The following VILL variants were observed in gnomAD, a reference collection of about 807,000 sequenced individuals.
VILL encodes the protein villin-like protein.
Under a neutral mutation model 106.3 loss-of-function variants are expected in VILL, and 102 were observed. That is an observed-to-expected ratio of 0.96 (90% CI 0.82 to 1.13). The LOEUF (loss-of-function observed/expected upper bound fraction) is 1.13. Ranked by LOEUF, VILL falls within the 50% of genes most tolerant of loss-of-function variation. The pLI is 0.00. For synonymous variants in VILL, 431 were observed against 440.3 expected (o/e 0.98, Z 0.27); for missense variants, 1,076 against 1,116.6 (o/e 0.96, Z 0.52).
At chr3:38,004,534 T>C (rs1459261634) in intron 16 of VILL, 135 bp downstream of exon 16, 9 of 1,173,498 alleles carry the variant, frequency 7.7e-6, no homozygotes, top group South Asian at 7.4e-5. Context: ...CACTGAGCAA[T>C]TGCATTGCGG....
At chr3:38,004,047 G>T (rs114282767) in intron 15 of VILL, 2 of 555,672 alleles carry the variant, frequency 3.6e-6, no homozygotes, top group African/African-American at 3.7e-5. Flanking sequence ...GTCACAGCTG[G>T]GTGGGGCGAG....
At chr3:37,993,838 C>G in intron 2 of VILL, 60 bp from the exon 3 acceptor site, 2 of 1,608,966 alleles carry the variant, frequency 1.2e-6, no homozygotes, top group Non-Finnish European at 1.7e-6. Context: ...TCCACCCCAC[C>G]CCAGCGGGTG....
At chr3:37,999,072 G>T in intron 10 of VILL, 22 bp downstream of exon 10, 1 of 1,210,504 alleles carries the variant, frequency 8.3e-7, no homozygotes, top group Non-Finnish European at 1.1e-6. Flanking sequence ...GGGCGGGGCT[G>T]ACGGGGGCGG....
At chr3:37,992,279 C>A (rs188618715) in intron 1 of VILL, among the ~76,000 whole-genome samples, 1 of 152,152 alleles carries the variant, frequency 6.6e-6, no homozygotes, top group Non-Finnish European at 1.5e-5. Flanking sequence ...TGTCCTTCTA[C>A]GGGGCCACCA....
intron 11 of VILL, chr3:38,000,940 C>T (rs1053867905): frequency 1.3e-5 from 6 of 456,952 alleles, no homozygotes; most frequent in African/African-American, 2.0e-5. Flanking sequence ...TGGGATTTGA[C>T]CAGAGTCCGC....
intron 13 of VILL, chr3:38,002,114 A>T: frequency 1.5e-6 from 1 of 662,202 alleles, no homozygotes. Flanking sequence ...ACACTAGCAA[A>T]CCTGGTCCCC....
At chr3:37,992,621 C>T (rs1699626785) in intron 1 of VILL, among the ~76,000 whole-genome samples, 1 of 152,174 alleles carries the variant, frequency 6.6e-6, no homozygotes, top group Non-Finnish European at 1.5e-5. Context: ...GAGACCATAG[C>T]CAACAACCAT....
Position 37,999,452 on chromosome 3 carries a change from G to T in VILL, c.1182+13G>T. 6.8e-7 allele frequency: 1 copy of T among 1,465,728 alleles called. No individual in the cohort carries two copies. The highest frequency in any genetic ancestry group is 9.0e-7 in the Non-Finnish European group (1 of 1,109,230). 90.8% of individuals were successfully genotyped at this position (1,465,728 alleles called of 1,614,324 possible). On this transcript the variant is annotated intron_variant, in intron 11 of 19. Transcript: ENST00000383759. ...TGGGAAGGTGGAGGTGAGGGGTACT[G>T]GGTTAGCTGGGGGAAGATGGGCACA...
At chr3:37,994,594 T>C in intron 4 of VILL, 128 bp downstream of exon 4, 1 of 998,246 alleles carries the variant, frequency 1.0e-6, no homozygotes, top group Non-Finnish European at 1.5e-6. Context: ...AACACCTTTA[T>C]TGAGATACAA....
chr3:38,000,813 C>G lies in VILL; in HGVS notation c.1183-643C>G, dbSNP rs961741515. 1.3e-5 allele frequency: 6 copies of G among 451,602 alleles called. No individual in the cohort carries two copies. In the Admixed American group the frequency reaches 1.4e-4, roughly 11 times the overall value. The allele number at this position is 451,602 out of a possible 1,614,324, so 28.0% of individuals were successfully genotyped here. A position where few individuals can be genotyped will look rare whatever the true frequency, so the allele number is the denominator to read the frequency against. ...GTCAGGGTCAGTGTGGGAAAGGACA[C>G]CCAGGCATTGTCTCCTGCCATGCAG... On this transcript the variant is annotated intron_variant, in intron 11 of 19. Coordinates refer to ENST00000383759, the MANE Select transcript of VILL (RefSeq NM_015873.4).
chr3:38,004,518 C>G, intron 16 of VILL, 119 bp downstream of exon 16: 1 of 1,350,800 alleles, frequency 7.4e-7, no homozygotes. Flanking sequence ...GTGAGTCTGA[C>G]CCTGTCACTG....
At position 37,998,077 on chromosome 3, in the gene VILL, C is replaced by T; in HGVS notation, c.765-13C>T. On this transcript the variant is annotated splice_polypyrimidine_tract_variant and intron_variant, in intron 7 of 19. Coordinates refer to ENST00000383759, the MANE Select transcript of VILL (RefSeq NM_015873.4). The surrounding 1 kb of genome is among the most constrained non-coding windows in gnomAD (Gnocchi z 4.1). ...GGGCTGGGCTGGCCACTCCTGGGTT[C>T]CTGTCCCCCCAGTGTCTATGAGAAG... The T allele has an allele frequency of 6.3e-7, 1 of 1,598,358 alleles. No individual in the cohort carries two copies. Among genetic ancestry groups the T allele is most frequent in the Non-Finnish European group, 8.5e-7 (1 of 1,172,058 alleles).
chr3:38,002,996 G>T, intron 14 of VILL, 172 bp from the exon 15 acceptor site: 2 of 831,232 alleles, frequency 2.4e-6, no homozygotes, highest in South Asian at 1.9e-5. Context: ...ATCAACTGGG[G>T]ACACAGGCCT....
intron 1 of VILL, among the ~76,000 whole-genome samples, chr3:37,993,062 T>C (rs1389448767): frequency 6.6e-6 from 1 of 152,186 alleles, no homozygotes; most frequent in East Asian, 1.9e-4. Context: ...GAAGGAGTGG[T>C]GCAGGGAAGC....
chr3:38,006,901 T>G (rs1699942463), intron 19 of VILL, 41 bp from the exon 20 acceptor site: 1 of 1,577,054 alleles, frequency 6.3e-7, no homozygotes, highest in African/African-American at 1.3e-5. Context: ...TGGGCTCAGA[T>G]GACACCCTAC....
chr3:38,002,174 G>T (rs941125366), intron 13 of VILL: 3 of 632,720 alleles, frequency 4.7e-6, no homozygotes, highest in African/African-American at 1.8e-5. Flanking sequence ...ACTCAGAGAT[G>T]GGGGGAAAGG....
chr3:38,005,997 A>T, intron 17 of VILL, 23 bp downstream of exon 17: 1 of 1,600,056 alleles, frequency 6.2e-7, no homozygotes, highest in Non-Finnish European at 8.5e-7. Flanking sequence ...TGAAACCCCC[A>T]GCCCTACCCT....
chr3:38,005,508 A>C (rs922086162), intron 16 of VILL, among the ~76,000 whole-genome samples: 1 of 152,166 alleles, frequency 6.6e-6, no homozygotes, highest in African/African-American at 2.4e-5. Context: ...TGCCCGGCAC[A>C]CAGTAGGTGC....
rs2125533700 is a variant in VILL, at chr3:37,998,970, G to A, written c.1001G>A (p.Gly334Asp). Reference protein sequence around the residue: ...TYTNVEVVNDGAESAAFKQLF... With the variant: ...TYTNVEVVNDDAESAAFKQLF... ...ACCAACGTGGAGGTGGTGAACGACG[G>A]CGCCGAGTCGGCCGCGTTCAAGCAG... The change falls in exon 10 of 20, where the codon GGC (glycine) becomes GAC (aspartate). Residue 334 changes from glycine to aspartate, a missense_variant. By Grantham distance (94) the Gly-to-Asp change is moderately conservative. Coordinates refer to ENST00000383759, the MANE Select transcript of VILL (RefSeq NM_015873.4). This position sits in a 1 kb window ranked among gnomAD's most constrained non-coding sequence, Gnocchi z 4.1. The A allele has an allele frequency of 6.2e-7, 1 of 1,610,754 alleles. No homozygotes were observed. The highest frequency in any genetic ancestry group is 1.1e-5 in the South Asian group (1 of 90,984).
Sources: allele counts gnomAD v4.1 joint callset (sites outside exome capture counted in the v4.1 genomes callset), GRCh38; gene constraint gnomAD v4.1.1; non-coding constraint Gnocchi (gnomAD v3.1); transcripts MANE v1.5; gene names NCBI Gene and HGNC (gene_info 2026-07-23, HGNC 2026-07-21).